GRM7: variants seen among roughly 807,000 people sequenced by gnomAD.
The protein encoded by GRM7 is glutamate metabotropic receptor 7, also known as metabotropic glutamate receptor 7.
GRM7 carries 35 observed loss-of-function variants against 84.5 expected under a neutral mutation model. That is an observed-to-expected ratio of 0.41 (90% CI 0.32 to 0.55). The LOEUF (loss-of-function observed/expected upper bound fraction) is 0.55. GRM7 is among the 20% of genes least tolerant of loss of function. The pLI is 0.19. For synonymous variants in GRM7, 487 were observed against 455.1 expected (o/e 1.07, Z -0.89); for missense variants, 1,003 against 1,194.6 (o/e 0.84, Z 2.36).
At position 7,012,905 on chromosome 3, in the gene GRM7, T is replaced by C. The variant is rs2124897697; in HGVS notation, c.520-133547T>C. ...ACAGGTGTGCATCATCATATCCAGC[T>C]AATTTGTTATTTTTTGTAGAGACAG... On this transcript the variant is annotated intron_variant, in intron 1 of 9. Transcript: ENST00000357716. Among the ~76,000 whole-genome samples the C allele has an allele frequency of 1.3e-5, 2 of 152,310 alleles. 1 individual carries two copies.
intron 9 of GRM7, among the ~76,000 whole-genome samples, chr3:7,697,141 C>A (rs1222098203): frequency 6.6e-6 from 1 of 152,078 alleles, no homozygotes; most frequent in African/African-American, 2.4e-5. Context: ...ATATTGACTT[C>A]TCAATCTTCT....
Position 7,241,307 on chromosome 3 carries a change from G to A in GRM7, c.737-57377G>A, listed in dbSNP as rs537451541. ...TACAAACATCTGCATAGTAGTAGTGGTAGTGGTCACTGTCTGCGTTGTCAT... is the reference window on the plus strand; with the variant it reads ...TACAAACATCTGCATAGTAGTAGTGATAGTGGTCACTGTCTGCGTTGTCAT... On this transcript the variant is annotated intron_variant, in intron 2 of 9. Coordinates refer to ENST00000357716, the MANE Select transcript of GRM7 (RefSeq NM_000844.4). Among the ~76,000 whole-genome samples, 4 of 152,214 alleles carry A rather than the reference G, an allele frequency of 2.6e-5. No individual in the cohort carries two copies. In the East Asian group the frequency reaches 7.7e-4, roughly 29 times the overall value.
At chr3:7,364,536 A>G (rs1194831210) in intron 4 of GRM7, among the ~76,000 whole-genome samples, 1 of 151,408 alleles carries the variant, frequency 6.6e-6, no homozygotes, top group Non-Finnish European at 1.5e-5. Flanking sequence ...ATATTTTAAT[A>G]TTTTCATTTA....
At chr3:6,895,145 C>A (rs17046291) in intron 1 of GRM7, among the ~76,000 whole-genome samples, 1 of 152,142 alleles carries the variant, frequency 6.6e-6, no homozygotes, top group Non-Finnish European at 1.5e-5. Flanking sequence ...GGAGACAGGA[C>A]GATTATTAAC....
intron 1 of GRM7, among the ~76,000 whole-genome samples, chr3:6,983,062 T>A (rs1333205746): frequency 6.6e-6 from 1 of 152,234 alleles, no homozygotes; most frequent in East Asian, 1.9e-4. Context: ...TATTTTTGAA[T>A]TGTCTATAAT....
chr3:7,219,352 A>G lies in GRM7; in HGVS notation c.736+72684A>G, dbSNP rs1014784124. Among the ~76,000 whole-genome samples, 17 of 152,220 alleles carry G rather than the reference A, an allele frequency of 1.1e-4. 2 individuals carry two copies. Among genetic ancestry groups the G allele is most frequent in the Admixed American group, 1.1e-3 (17 of 15,276 alleles). On this transcript the variant is annotated intron_variant, in intron 2 of 9. Transcript: ENST00000357716. ...GAGCTCATATAACGGCTGCATCTGG[A>G]ATAAATGTGTTTAGTTAGTCACCTA...
intron 1 of GRM7, among the ~76,000 whole-genome samples, chr3:7,059,335 T>C (rs2124967069): frequency 6.6e-6 from 1 of 151,908 alleles, no homozygotes; most frequent in Non-Finnish European, 1.5e-5. Context: ...TTTTACTACT[T>C]GTTTATACAC....
chr3:7,136,644 G>A (rs566197515), intron 1 of GRM7, among the ~76,000 whole-genome samples: 3 of 152,204 alleles, frequency 2.0e-5, no homozygotes, highest in African/African-American at 7.2e-5. Flanking sequence ...AATACTGTGA[G>A]TGTCTCTGGC....
Position 7,406,130 on chromosome 3 carries a change from T to C in GRM7, c.1034-8893T>C, listed in dbSNP as rs1015412194. Among the ~76,000 whole-genome samples, 3 of 152,256 alleles carry C rather than the reference T, an allele frequency of 2.0e-5. 1 individual carries two copies. The South Asian group carries it at 6.2e-4, about 32-fold the overall frequency. On this transcript the variant is annotated intron_variant, in intron 4 of 9. Coordinates refer to ENST00000357716, the MANE Select transcript of GRM7 (RefSeq NM_000844.4). ...AACACATGTATTTAATCATGTGTTT[T>C]GGGGACATTTGCAGTGGTTTTACAT... is the stretch of plus-strand genomic sequence containing the variant.
chr3:7,398,004 A>AC lies in GRM7; in HGVS notation c.1034-17013dup, dbSNP rs111906237. Among the ~76,000 whole-genome samples, 25 of 152,082 alleles carry AC rather than the reference A, an allele frequency of 1.6e-4. No individual in the cohort carries two copies. In the East Asian group the frequency reaches 2.5e-3, roughly 15 times the overall value. ...CCCATGTGATATAAACGAAACACCA[A>AC]CCCCCCACCAAAAACTTATAATTTT... On this transcript the variant is annotated intron_variant, in intron 4 of 9. Coordinates refer to ENST00000357716, the MANE Select transcript of GRM7 (RefSeq NM_000844.4).
chr3:7,635,664 C>G (rs551019621), intron 8 of GRM7, among the ~76,000 whole-genome samples: 6 of 152,220 alleles, frequency 3.9e-5, no homozygotes, highest in Middle Eastern at 3.4e-3. Flanking sequence ...AAAGTGGCTG[C>G]AAATCTTTTT....
intron 1 of GRM7, among the ~76,000 whole-genome samples, chr3:7,111,833 T>A (rs910204808): frequency 6.6e-6 from 1 of 152,146 alleles, no homozygotes; most frequent in Non-Finnish European, 1.5e-5. Flanking sequence ...GCCTCATTTC[T>A]TTTTCTCCAA....
chr3:7,258,930 A>G (rs1296553314), intron 2 of GRM7, among the ~76,000 whole-genome samples: 1 of 152,216 alleles, frequency 6.6e-6, no homozygotes, highest in Non-Finnish European at 1.5e-5. Flanking sequence ...GGAAAACCTT[A>G]AGGATTTTGT....
intron 4 of GRM7, among the ~76,000 whole-genome samples, chr3:7,377,714 G>C (rs936101458): frequency 6.6e-6 from 1 of 152,124 alleles, no homozygotes; most frequent in East Asian, 1.9e-4. Flanking sequence ...AAATCTATTA[G>C]TAAAAGACAC....
At chr3:6,954,182 C>T (rs1692920267) in intron 1 of GRM7, among the ~76,000 whole-genome samples, 2 of 152,078 alleles carry the variant, frequency 1.3e-5, no homozygotes, top group African/African-American at 4.8e-5. Flanking sequence ...TCAGGATATT[C>T]AGGGTATACA....
intron 1 of GRM7, among the ~76,000 whole-genome samples, chr3:6,995,664 A>G (rs1385771650): frequency 6.6e-6 from 1 of 152,224 alleles, no homozygotes; most frequent in Non-Finnish European, 1.5e-5. Flanking sequence ...AGAAATAATC[A>G]CATAAAATTG....
chr3:6,913,158 A>C (rs11920264), intron 1 of GRM7, among the ~76,000 whole-genome samples: 1 of 152,088 alleles, frequency 6.6e-6, no homozygotes, highest in Non-Finnish European at 1.5e-5. Flanking sequence ...TTATCTTTTA[A>C]TATATGTAGC....
chr3:7,213,147 C>G (rs1363315717), intron 2 of GRM7, among the ~76,000 whole-genome samples: 1 of 152,204 alleles, frequency 6.6e-6, no homozygotes, highest in Non-Finnish European at 1.5e-5. Flanking sequence ...GCAACAGAGA[C>G]TGTACTTTAG....
At chr3:7,550,410 C>G (rs970087282) in intron 7 of GRM7, among the ~76,000 whole-genome samples, 66 of 143,298 alleles carry the variant, frequency 4.6e-4, no homozygotes, top group Admixed American at 2.4e-3. Context: ...TCTTTTCTCT[C>G]TCTCTCCCTC....
Sources: allele counts gnomAD v4.1 joint callset (sites outside exome capture counted in the v4.1 genomes callset), GRCh38; gene constraint gnomAD v4.1.1; transcripts MANE v1.5; gene names NCBI Gene and HGNC (gene_info 2026-07-23, HGNC 2026-07-21).